PIK3C2G: variants seen among roughly 807,000 people sequenced by gnomAD.
PIK3C2G encodes the protein phosphatidylinositol-4-phosphate 3-kinase catalytic subunit type 2 gamma, also known as phosphatidylinositol 3-kinase C2 domain-containing subunit gamma.
PIK3C2G carries 168 observed loss-of-function variants against 181.1 expected under a neutral mutation model. The observed-to-expected ratio is 0.93, with a 90% CI of 0.82 to 1.05. PIK3C2G has a LOEUF of 1.05. Ranked by LOEUF, PIK3C2G falls within the 50% of genes least tolerant of loss-of-function variation. PIK3C2G has a pLI of 0.00. For missense variants in PIK3C2G, 1,869 were observed against 1,732.8 expected (o/e 1.08, Z -1.40); for synonymous variants, 573 against 592.2 (o/e 0.97, Z 0.47).
rs375032137 is a variant in PIK3C2G at position 18,468,800 on chromosome 12, TA to T, written c.2505-19642del. Among the ~76,000 whole-genome samples the T allele has an allele frequency of 5.2e-4, 79 of 152,176 alleles. No homozygotes were observed. In the East Asian group the frequency reaches 0.015, roughly 29 times the overall value. ...TAAGTGCCTCTGTGAATTACTTTTT[TA>T]AAAAAATATTTTAATCCTATCCTTA... On this transcript the variant is annotated intron_variant, in intron 18 of 32. Coordinates refer to ENST00000538779, the MANE Select transcript of PIK3C2G (RefSeq NM_001288772.2).
chr12:18,701,991 T>C, the PIK3C2G span, among the ~76,000 whole-genome samples: 1 of 152,154 alleles, frequency 6.6e-6, no homozygotes, highest in Non-Finnish European at 1.5e-5. Context: ...AATAAGCCTG[T>C]TATGATTGAG....
intron 16 of PIK3C2G, 22 bp from the exon 17 acceptor site, chr12:18,420,919 G>T: frequency 7.9e-7 from 1 of 1,263,988 alleles, no homozygotes. Context: ...ACAGCTTAGT[G>T]GATATATTTA....
chr12:18,688,021 A>G, the PIK3C2G span: 1 of 1,578,540 alleles, frequency 6.3e-7, no homozygotes, highest in Non-Finnish European at 8.6e-7. Flanking sequence ...AACTCTATCA[A>G]CATATAATTT....
chr12:18,584,099 G>A (rs1217377674), intron 29 of PIK3C2G, among the ~76,000 whole-genome samples: 1 of 151,390 alleles, frequency 6.6e-6, no homozygotes, highest in Non-Finnish European at 1.5e-5. Context: ...CGTGATCTCG[G>A]CTCACCACAA....
At chr12:18,689,009 G>A in the PIK3C2G span, among the ~76,000 whole-genome samples, 1 of 146,306 alleles carries the variant, frequency 6.8e-6, no homozygotes, top group Non-Finnish European at 1.5e-5. Context: ...AGAAAAGAAA[G>A]GAAAAGAAAA....
chr12:18,291,206 G>A (rs1328022264), intron 4 of PIK3C2G, among the ~76,000 whole-genome samples, 194 bp downstream of exon 4: 1 of 152,144 alleles, frequency 6.6e-6, no homozygotes, highest in Non-Finnish European at 1.5e-5. Context: ...TCTTCAAGAA[G>A]TATCTTCACA....
chr12:18,394,635 A>G (rs1306280822), intron 15 of PIK3C2G, among the ~76,000 whole-genome samples: 3 of 152,034 alleles, frequency 2.0e-5, no homozygotes, highest in African/African-American at 2.4e-5. Context: ...AGAACTGAAA[A>G]CACAATACCT....
At chr12:18,575,187 C>G (rs1946169201) in intron 29 of PIK3C2G, among the ~76,000 whole-genome samples, 1 of 152,050 alleles carries the variant, frequency 6.6e-6, no homozygotes, top group Non-Finnish European at 1.5e-5. Flanking sequence ...CTTTTAGATC[C>G]CTTTCAGCAG....
chr12:18,684,622 G>T, the PIK3C2G span, among the ~76,000 whole-genome samples: 1 of 152,026 alleles, frequency 6.6e-6, no homozygotes, highest in South Asian at 2.1e-4. Context: ...TTCAAAAACG[G>T]GGAGTCTGAC....
intron 30 of PIK3C2G, among the ~76,000 whole-genome samples, chr12:18,601,411 AAAACGCTGATCTC>A (rs1190998219): frequency 6.6e-6 from 1 of 152,158 alleles, no homozygotes; most frequent in African/African-American, 2.4e-5. Context: ...TGGAAGCTTA[AAAACGCTGATCTC>A]AAATAAGTAA....
At chr12:18,281,535 A>T (rs1054862209) in intron 1 of PIK3C2G, among the ~76,000 whole-genome samples, 3 of 151,872 alleles carry the variant, frequency 2.0e-5, no homozygotes, top group Non-Finnish European at 4.4e-5. Context: ...GGGGAAAAAA[A>T]GTTTAGCTAA....
chr12:18,277,894 G>C (rs2137094920), intron 1 of PIK3C2G, among the ~76,000 whole-genome samples: 1 of 152,208 alleles, frequency 6.6e-6, no homozygotes, highest in South Asian at 2.1e-4. Context: ...CCTCTTGCAA[G>C]TTTAACTGAA....
At chr12:18,663,433 G>A in the PIK3C2G span, among the ~76,000 whole-genome samples, 1 of 152,056 alleles carries the variant, frequency 6.6e-6, no homozygotes, top group Non-Finnish European at 1.5e-5. Context: ...CATAGGTAAT[G>A]TAGAGATTAT....
At chr12:18,610,071 G>A (rs1948255365) in intron 31 of PIK3C2G, among the ~76,000 whole-genome samples, 1 of 152,022 alleles carries the variant, frequency 6.6e-6, no homozygotes, top group Admixed American at 6.6e-5. Flanking sequence ...AAAACTAAAA[G>A]TTCCACTCTC....
chr12:18,470,514 G>A (rs73068573), intron 18 of PIK3C2G, among the ~76,000 whole-genome samples: 21,807 of 152,112 alleles, frequency 0.14, 2,079 homozygotes, highest in East Asian at 0.38. Context: ...ACCATAGAAA[G>A]TTGTGCACTT....
intron 14 of PIK3C2G, 92 bp downstream of exon 14, chr12:18,381,972 T>A (rs1445258006): frequency 1.2e-6 from 1 of 810,986 alleles, no homozygotes; most frequent in South Asian, 1.4e-5. Flanking sequence ...TCTTCCAGGA[T>A]CACACATTTT....
chr12:18,310,453 A>G (rs1366439945), intron 5 of PIK3C2G, among the ~76,000 whole-genome samples: 26 of 151,860 alleles, frequency 1.7e-4, no homozygotes, highest in Non-Finnish European at 1.2e-4. Context: ...ACTACTTTTT[A>G]TATTTCATCA....
At chr12:18,553,125 T>C (rs1944820764) in intron 26 of PIK3C2G, among the ~76,000 whole-genome samples, 1 of 152,132 alleles carries the variant, frequency 6.6e-6, no homozygotes, top group Non-Finnish European at 1.5e-5. Flanking sequence ...ACAATTACTA[T>C]ATACCAGTGA....
chr12:18,690,627 G>A, the PIK3C2G span, among the ~76,000 whole-genome samples: 3 of 152,164 alleles, frequency 2.0e-5, no homozygotes, highest in East Asian at 5.8e-4. Context: ...ATATATGCAT[G>A]CAGAGGGTGT....
Sources: allele counts gnomAD v4.1 joint callset (sites outside exome capture counted in the v4.1 genomes callset), GRCh38; gene constraint gnomAD v4.1.1; transcripts MANE v1.5; gene names NCBI Gene and HGNC (gene_info 2026-07-23, HGNC 2026-07-21).